Variants in FBXL7 observed in about 807,000 individuals in gnomAD.
The protein encoded by FBXL7 is F-box/LRR-repeat protein 7.
A neutral mutation model predicts 38.3 loss-of-function variants in FBXL7; 12 were observed. The ratio of observed to expected loss-of-function variants is 0.31; its 90% confidence interval spans 0.20 to 0.51. FBXL7 has a LOEUF of 0.51. Ranked by LOEUF, FBXL7 falls within the 20% of genes least tolerant of loss-of-function variation. FBXL7 has a pLI of 0.98. For missense variants in FBXL7, 567 were observed against 676.4 expected (o/e 0.84, Z 1.79); for synonymous variants, 297 against 300.9 (o/e 0.99, Z 0.13).
intron 2 of FBXL7, among the ~76,000 whole-genome samples, chr5:15,638,787 T>C (rs1741268079): frequency 6.6e-6 from 1 of 152,176 alleles, no homozygotes; most frequent in Admixed American, 6.5e-5. Flanking sequence ...GAAATGAGTA[T>C]GCTGATTGCT....
At chr5:15,591,335 A>C (rs1739468703) in intron 1 of FBXL7, among the ~76,000 whole-genome samples, 1 of 151,378 alleles carries the variant, frequency 6.6e-6, no homozygotes, top group Admixed American at 6.6e-5. Context: ...AGGCTGAGGC[A>C]GGAGAATGGT....
intron 2 of FBXL7, among the ~76,000 whole-genome samples, chr5:15,921,796 A>G (rs1395255035): frequency 2.0e-5 from 3 of 152,262 alleles, no homozygotes. Flanking sequence ...ACTGTGAAAT[A>G]TCACCTCACA....
chr5:15,882,171 C>G (rs576871500), intron 2 of FBXL7, among the ~76,000 whole-genome samples: 3 of 152,320 alleles, frequency 2.0e-5, no homozygotes, highest in Middle Eastern at 3.4e-3. Context: ...AACCAGGCCC[C>G]ACCTCCAACA....
intron 2 of FBXL7, among the ~76,000 whole-genome samples, chr5:15,749,291 G>C (rs1042701130): frequency 6.8e-6 from 1 of 146,502 alleles, no homozygotes; most frequent in African/African-American, 2.5e-5. Context: ...AATTCAACTT[G>C]TGAGTTACAC....
At chr5:15,651,498 G>A (rs956907837) in intron 2 of FBXL7, among the ~76,000 whole-genome samples, 2 of 152,162 alleles carry the variant, frequency 1.3e-5, no homozygotes, top group African/African-American at 4.8e-5. Context: ...TAATCTACTT[G>A]TGCATCTCCA....
intron 1 of FBXL7, among the ~76,000 whole-genome samples, chr5:15,517,647 CTG>C (rs1301222737): frequency 2.6e-5 from 4 of 152,132 alleles, no homozygotes; most frequent in Non-Finnish European, 4.4e-5. Context: ...GCAGGAGAGT[CTG>C]TGGCAAATGT....
chr5:15,571,007 G>A (rs1323474724), intron 1 of FBXL7, among the ~76,000 whole-genome samples: 1 of 149,212 alleles, frequency 6.7e-6, no homozygotes, highest in African/African-American at 2.5e-5. Context: ...CAGGAGAATT[G>A]TTTGAACCTG....
At chr5:15,914,215 T>C (rs1420339627) in intron 2 of FBXL7, among the ~76,000 whole-genome samples, 2 of 151,900 alleles carry the variant, frequency 1.3e-5, no homozygotes, top group South Asian at 2.1e-4. Context: ...TAAAACCCTG[T>C]CTCTACTAAA....
intron 2 of FBXL7, among the ~76,000 whole-genome samples, chr5:15,870,216 T>G (rs1739895708): frequency 6.6e-6 from 1 of 152,000 alleles, no homozygotes; most frequent in Non-Finnish European, 1.5e-5. Flanking sequence ...GGGATGATGT[T>G]TTGGAGTTGG....
intron 2 of FBXL7, among the ~76,000 whole-genome samples, chr5:15,840,512 A>G (rs944146171): frequency 6.6e-6 from 1 of 152,146 alleles, no homozygotes; most frequent in Admixed American, 6.5e-5. Flanking sequence ...TAACACCATT[A>G]TGATATTGAA....
chr5:15,783,798 G>C (rs544812539), intron 2 of FBXL7, among the ~76,000 whole-genome samples: 1 of 152,162 alleles, frequency 6.6e-6, no homozygotes, highest in Admixed American at 6.5e-5. Context: ...TATTGATTGA[G>C]AGCACCAGAA....
chr5:15,815,191 A>G (rs1054608458), intron 2 of FBXL7, among the ~76,000 whole-genome samples: 3 of 152,104 alleles, frequency 2.0e-5, no homozygotes, highest in South Asian at 2.1e-4. Flanking sequence ...CTCTGTAACT[A>G]TTGGCATTTG....
chr5:15,881,834 T>C (rs939541821), intron 2 of FBXL7, among the ~76,000 whole-genome samples: 3 of 152,194 alleles, frequency 2.0e-5, no homozygotes, highest in African/African-American at 7.2e-5. Context: ...TCTTCTCACA[T>C]TGCTATAAAG....
chr5:15,746,542 G>C (rs1157527831), intron 2 of FBXL7, among the ~76,000 whole-genome samples: 6 of 152,056 alleles, frequency 3.9e-5, no homozygotes, highest in Admixed American at 2.6e-4. Context: ...TCACATGGCA[G>C]GAGTGAGGGA....
chr5:15,607,824 C>T (rs1740081358), intron 1 of FBXL7, among the ~76,000 whole-genome samples: 1 of 152,194 alleles, frequency 6.6e-6, no homozygotes, highest in South Asian at 2.1e-4. Flanking sequence ...TTAGTGTGTT[C>T]GTTTTCCCTT....
intron 2 of FBXL7, among the ~76,000 whole-genome samples, chr5:15,917,112 G>A (rs180715498): frequency 1.4e-3 from 220 of 152,284 alleles, no homozygotes; most frequent in African/African-American, 5.1e-3. Context: ...GTAGAGTTAG[G>A]AATCCAGGTT....
chr5:15,898,916 T>C (rs1026220020), intron 2 of FBXL7, among the ~76,000 whole-genome samples: 11 of 152,158 alleles, frequency 7.2e-5, no homozygotes, highest in Middle Eastern at 3.2e-3. Flanking sequence ...ATTTTTTTTT[T>C]CCTCCTTTTT....
At chr5:15,789,318 C>T (rs944025276) in intron 2 of FBXL7, among the ~76,000 whole-genome samples, 1 of 152,172 alleles carries the variant, frequency 6.6e-6, no homozygotes, top group African/African-American at 2.4e-5. Context: ...AAGATATGCT[C>T]ACTGCAGTCT....
At chr5:15,566,086 T>G (rs540686878) in intron 1 of FBXL7, among the ~76,000 whole-genome samples, 34 of 152,238 alleles carry the variant, frequency 2.2e-4, no homozygotes, top group African/African-American at 7.9e-4. Flanking sequence ...TTAATGACAT[T>G]TACAGGAGTC....
Sources: allele counts gnomAD v4.1 joint callset (sites outside exome capture counted in the v4.1 genomes callset), GRCh38; gene constraint gnomAD v4.1.1; transcripts MANE v1.5; gene names NCBI Gene and HGNC (gene_info 2026-07-23, HGNC 2026-07-21).